Variants in TMEM236 observed in about 807,000 individuals in gnomAD.
The protein encoded by TMEM236 is transmembrane protein 236.
In TMEM236, 11 loss-of-function variants were observed where a neutral mutation model predicts 14.7. The ratio of observed to expected loss-of-function variants is 0.75; its 90% CI spans 0.47 to 1.24. TMEM236 has a LOEUF of 1.24. TMEM236 is among the 50% of genes most tolerant of loss of function. TMEM236 has a pLI of 0.00. For synonymous variants in TMEM236, 182 were observed against 168.6 expected (o/e 1.08, Z -0.62); for missense variants, 464 against 427.3 (o/e 1.09, Z -0.76).
At chr10:17,756,074 C>T (rs1268434509) in intron 1 of TMEM236, among the ~76,000 whole-genome samples, 1 of 152,154 alleles carries the variant, frequency 6.6e-6, no homozygotes, top group Non-Finnish European at 1.5e-5. Flanking sequence ...AGAGATCAGC[C>T]TGGGCAACAT....
At position 17,799,030 on chromosome 10, in the gene TMEM236, C is replaced by T. The variant is rs928811249; in HGVS notation, c.*2526C>T. 6 of 260,848 alleles carry T rather than the reference C, an allele frequency of 2.3e-5. No individual in the cohort carries two copies. Among genetic ancestry groups the T allele is most frequent in the African/African-American group, 6.8e-5 (3 of 44,122 alleles). The allele number at this position is 260,848 out of a possible 1,614,324, so 16.2% of individuals were successfully genotyped here. On this transcript the variant is annotated 3_prime_UTR_variant, in exon 4 of 4. Transcript: ENST00000377495. The stretch of plus-strand genomic sequence containing the variant: ...GTTACTTCAGACTATACTTTTTCAT[C>T]GAGGAGTATTGTATTCAAAAGTGAT...
intron 2 of TMEM236, among the ~76,000 whole-genome samples, chr10:17,775,052 C>T (rs1301503518): frequency 1.2e-4 from 19 of 152,100 alleles, no homozygotes; most frequent in African/African-American, 3.1e-4. Context: ...CCACCTGCCT[C>T]GTCTTCCCAA....
rs1241107661 is a variant in TMEM236 at position 17,752,408 on chromosome 10, C to G, written c.113C>G (p.Thr38Arg). The G allele has an allele frequency of 5.0e-6, 8 of 1,613,838 alleles. No homozygotes were observed. Among genetic ancestry groups the G allele is most frequent in the Non-Finnish European group, 5.9e-6 (7 of 1,179,880 alleles). The stretch of plus-strand genomic sequence containing the variant: ...CAGTTTGCCACCGCCTACCAAGGAA[C>G]AAGGGCTAGATCTGACAACACACAC... ...TEQFATAYQG[T>R]RARSDNTHYW... is the part of the protein sequence containing the mutation. Residue 38 changes from threonine to arginine, a missense_variant, in exon 1 of 4, where the codon ACA becomes AGA. Thr to Arg is a moderately conservative substitution (Grantham distance 71). Transcript: ENST00000377495.
At chr10:17,783,831 C>T (rs959992084) in intron 3 of TMEM236, among the ~76,000 whole-genome samples, 8 of 152,068 alleles carry the variant, frequency 5.3e-5, no homozygotes, top group African/African-American at 1.7e-4. Context: ...GTTGTGTTTG[C>T]CCTCTTCTCA....
chr10:17,752,411 G>A lies in TMEM236; in HGVS notation c.116G>A (p.Arg39Lys). ...EQFATAYQGT[R>K]ARSDNTHYWL... ...TTTGCCACCGCCTACCAAGGAACAA[G>A]GGCTAGATCTGACAACACACACTAC... is the stretch of plus-strand genomic sequence containing the variant. Residue 39 changes from arginine (R) to lysine (K), a missense_variant, in exon 1 of 4, where the codon AGG becomes AAG. Coordinates refer to ENST00000377495, the MANE Select transcript of TMEM236 (RefSeq NM_001098844.3). 1.2e-6 allele frequency: 2 copies of A among 1,613,920 alleles called. No homozygotes were observed. The highest frequency in any genetic ancestry group is 1.7e-6 in the Non-Finnish European group (2 of 1,179,872).
At chr10:17,777,418 A>G (rs1448213933) in intron 3 of TMEM236, among the ~76,000 whole-genome samples, 4 of 152,152 alleles carry the variant, frequency 2.6e-5, no homozygotes, top group Non-Finnish European at 5.9e-5. Flanking sequence ...ATCCTTTGCT[A>G]CATCTCTAGA....
chr10:17,771,373 G>C lies in TMEM236; in HGVS notation c.322G>C (p.Val108Leu). 6.2e-7 allele frequency: 1 copy of C among 1,613,586 alleles called. No individual in the cohort carries two copies. The highest frequency in any genetic ancestry group is 1.1e-5 in the South Asian group (1 of 91,062). ...GCCCTGCCTCACCTTTTCCATAGCAGTGACTGAGGTATGGAATTTTTGATT... is the reference window on the plus strand; with the variant it reads ...GCCCTGCCTCACCTTTTCCATAGCACTGACTGAGGTATGGAATTTTTGATT... The part of the protein sequence containing the change: ...TLPCLTFSIA[V>L]TEVQKSINGS... The change falls in exon 2 of 4, where the codon GTG (valine) becomes CTG (leucine). Residue 108 changes from valine to leucine, a missense_variant. Val to Leu is a conservative substitution (Grantham distance 32). Transcript: ENST00000377495.
Position 17,795,927 on chromosome 10 carries a change from A to C in TMEM236, c.479A>C (p.Glu160Ala). The C allele has an allele frequency of 1.2e-6, 2 of 1,613,876 alleles. No individual in the cohort carries two copies. The highest frequency in any genetic ancestry group is 1.7e-6 in the Non-Finnish European group (2 of 1,179,740). Residue 160 changes from glutamate to alanine, a missense_variant, in exon 4 of 4, where the codon GAA (glutamate) becomes GCA (alanine). Glu to Ala is a moderately radical substitution (Grantham distance 107). Coordinates refer to ENST00000377495, the MANE Select transcript of TMEM236 (RefSeq NM_001098844.3). ...ATAAATCTGTTAATTGCAGGTAGTG[A>C]AAATGGACACATCCATTCAACCTCT... is the stretch of plus-strand genomic sequence containing the variant. Reference protein sequence around the residue: ...YPLRGSQKSSENGHIHSTSLQ... With the variant: ...YPLRGSQKSSANGHIHSTSLQ...
At chr10:17,794,381 C>T (rs1370690156) in intron 3 of TMEM236, among the ~76,000 whole-genome samples, 3 of 152,104 alleles carry the variant, frequency 2.0e-5, no homozygotes, top group African/African-American at 7.2e-5. Flanking sequence ...TCTTAGCAAC[C>T]AAAATGGTGT....
rs568598260 is a variant in TMEM236, at chr10:17,789,792, G to T, written c.473-6129G>T. On this transcript the variant is annotated intron_variant, in intron 3 of 3. Transcript: ENST00000377495. ...AATCGCAGCACTCTGGGAGGCCTAG[G>T]AGGAGGATCCCGAGGTCAGGAGATT... Among the ~76,000 whole-genome samples the T allele has an allele frequency of 7.8e-4, 119 of 152,234 alleles. 1 individual carries two copies. The highest frequency in any genetic ancestry group is 2.8e-3 in the African/African-American group (116 of 41,544).
rs1838056903 is a variant in TMEM236, at chr10:17,798,955, A to G, written c.*2451A>G. The G allele has an allele frequency of 3.1e-6, 1 of 320,414 alleles. No homozygotes were observed. Among genetic ancestry groups the G allele is most frequent in the South Asian group, 2.7e-5 (1 of 36,926 alleles). 19.8% of individuals were successfully genotyped at this position (320,414 alleles called of 1,614,324 possible). ...CTGTGGCCCTGCTCACCCTCTGGGA[A>G]TAATCATTTCAACTTTGCATTTGTG... On this transcript the variant is annotated 3_prime_UTR_variant, in exon 4 of 4. Coordinates refer to ENST00000377495, the MANE Select transcript of TMEM236 (RefSeq NM_001098844.3).
At chr10:17,794,230 C>A (rs899462560) in intron 3 of TMEM236, among the ~76,000 whole-genome samples, 2 of 152,160 alleles carry the variant, frequency 1.3e-5, no homozygotes. Context: ...CAGTTCCACG[C>A]GCTTCAACAA....
At chr10:17,782,314 A>T (rs1837764325) in intron 3 of TMEM236, among the ~76,000 whole-genome samples, 1 of 152,220 alleles carries the variant, frequency 6.6e-6, no homozygotes, top group African/African-American at 2.4e-5. Context: ...AGGTAAACCA[A>T]CCATAACCCT....
chr10:17,787,433 A>G (rs1242081404), intron 3 of TMEM236, among the ~76,000 whole-genome samples: 1 of 152,216 alleles, frequency 6.6e-6, no homozygotes, highest in Non-Finnish European at 1.5e-5. Flanking sequence ...GGACTGGGCC[A>G]TAGGGGCATC....
At chr10:17,777,950 G>A (rs919427820) in intron 3 of TMEM236, among the ~76,000 whole-genome samples, 3 of 152,286 alleles carry the variant, frequency 2.0e-5, no homozygotes, top group African/African-American at 7.2e-5. Flanking sequence ...TGTTGGCCAG[G>A]CTGGTCTCGA....
chr10:17,767,941 G>T (rs902713886), intron 1 of TMEM236, among the ~76,000 whole-genome samples: 3 of 144,566 alleles, frequency 2.1e-5, no homozygotes, highest in South Asian at 4.3e-4. Context: ...ACAGTGTCTC[G>T]CTCTGTCACC....
chr10:17,754,614 G>T (rs1182879702), intron 1 of TMEM236, among the ~76,000 whole-genome samples: 1 of 152,078 alleles, frequency 6.6e-6, no homozygotes, highest in Non-Finnish European at 1.5e-5. Flanking sequence ...GGCGTGAGCT[G>T]CCAAAGCTGG....
intron 3 of TMEM236, among the ~76,000 whole-genome samples, chr10:17,789,006 C>CTT (rs1837880675): frequency 6.6e-6 from 1 of 152,052 alleles, no homozygotes; most frequent in Non-Finnish European, 1.5e-5. Flanking sequence ...GTGGGGAAGT[C>CTT]CTGATTTGTA....
At chr10:17,781,799 ATG>A (rs1403358351) in intron 3 of TMEM236, among the ~76,000 whole-genome samples, 3 of 149,934 alleles carry the variant, frequency 2.0e-5, no homozygotes, top group Non-Finnish European at 4.4e-5. Flanking sequence ...TGTGTGTTGT[ATG>A]TGTGTGTTTG....
Sources: gnomAD v4.1 joint callset for allele counts (sites outside exome capture counted in the v4.1 genomes callset) on GRCh38, gnomAD v4.1.1 for gene constraint, MANE v1.5 for transcripts, NCBI Gene and HGNC (gene_info 2026-07-23, HGNC 2026-07-21) for gene names.